PRSS50: variants seen among roughly 807,000 people sequenced by gnomAD.
PRSS50 encodes the protein serine protease 50.
In PRSS50, 23 loss-of-function variants were observed where a neutral mutation model predicts 34.2. The ratio of observed to expected loss-of-function variants is 0.67; its 90% CI spans 0.48 to 0.95. The LOEUF is 0.95. Among genes scored for constraint, PRSS50 ranks in the 40% least tolerant of loss-of-function variants. PRSS50 has a pLI of 0.00. For missense variants in PRSS50, 484 were observed against 513.4 expected, an observed-to-expected ratio of 0.94 and a Z score of 0.55; for synonymous variants, 224 against 211.2, an observed-to-expected ratio of 1.06 and a Z score of -0.53.
Position 46,715,789 on chromosome 3 carries a change from C to T in PRSS50, c.308-92G>A. On this transcript the variant is annotated intron_variant, in intron 2 of 5. Coordinates refer to ENST00000315170, the MANE Select transcript of PRSS50 (RefSeq NM_013270.5). This position sits in a 1 kb window ranked among gnomAD's most constrained non-coding sequence, Gnocchi z 5.2. ...ACCTCGTGCCTCTCCAGCCACTGGC[C>T]TGCACCCATCCAGGGGTGCTCCCTT... The T allele has an allele frequency of 7.2e-7, 1 of 1,385,394 alleles. No individual in the cohort carries two copies. Among genetic ancestry groups the T allele is most frequent in the Non-Finnish European group, 9.8e-7 (1 of 1,020,838 alleles). The allele number at this position is 1,385,394 out of a possible 1,614,324, so 85.8% of individuals were successfully genotyped here.
Position 46,714,441 on chromosome 3 carries a change from G to T in PRSS50, c.531C>A (p.Thr177=). The change falls in exon 4 of 6, where the codon ACC becomes ACA. Residue 177 remains threonine, a synonymous_variant. Transcript: ENST00000315170. ...GSPWIDQMTQ[T]ASDVPVLQVI... The stretch of plus-strand genomic sequence containing the variant: ...CCTGGAGCACCGGGACATCGGAGGC[G>T]GTCTGCGTCATCTGGTCAATCCACG... 1 of 1,610,500 alleles carries T rather than the reference G, an allele frequency of 6.2e-7. No homozygotes were observed. The highest frequency in any genetic ancestry group is 8.5e-7 in the Non-Finnish European group (1 of 1,178,654).
intron 4 of PRSS50, 123 bp from the exon 5 acceptor site, chr3:46,713,190 C>T (rs1022240574): frequency 1.6e-6 from 2 of 1,231,756 alleles, no homozygotes; most frequent in Non-Finnish European, 2.3e-6. Context: ...ACACCTCTGC[C>T]CTCGTTCTAG....
rs1372505382 is a variant in PRSS50, at chr3:46,714,570, TCC to T, written c.471-71_471-70del. The T allele has an allele frequency of 2.7e-6, 4 of 1,456,420 alleles. No homozygotes were observed. The African/African-American group carries it at 5.6e-5, about 21-fold the overall frequency. The allele number at this position is 1,456,420 out of a possible 1,614,324, so 90.2% of individuals were successfully genotyped here. A position where few individuals can be genotyped will look rare whatever the true frequency, so the allele number is the denominator to read the frequency against. ...CTGCCCCAGCCTCCAGCCTGGGCCTTCCCCCACTCTGCTGCCCTCCCAGAAGA... is the reference window on the plus strand; with the variant it reads ...CTGCCCCAGCCTCCAGCCTGGGCCTTCCCACTCTGCTGCCCTCCCAGAAGA... On this transcript the variant is annotated intron_variant, in intron 3 of 5. Transcript: ENST00000315170.
chr3:46,712,860 A>G, intron 5 of PRSS50, 41 bp downstream of exon 5: 1 of 1,435,758 alleles, frequency 7.0e-7, no homozygotes, highest in East Asian at 2.9e-5. Flanking sequence ...CCTCTCCCCC[A>G]GGTGCCCCTG....
Position 46,717,727 on chromosome 3 carries a change from C to T in PRSS50, c.98G>A (p.Arg33Lys), listed in dbSNP as rs541651621. ...GALLLLLLLL[R>K]SAGCWGAGEA... ...GATCGGGAGGGACTCACCTGCAGAC[C>T]TCAGCAACAGAAGCAGCAGCAGCAG... Residue 33 changes from arginine to lysine, a missense_variant, in exon 1 of 6, where the codon AGG (arginine) becomes AAG (lysine). Coordinates refer to ENST00000315170, the MANE Select transcript of PRSS50 (RefSeq NM_013270.5). The surrounding 1 kb of genome is among the most constrained non-coding windows in gnomAD (Gnocchi z 4.5). 5.0e-6 allele frequency: 8 copies of T among 1,597,042 alleles called. No individual in the cohort carries two copies. In the South Asian group the frequency reaches 5.6e-5, roughly 11 times the overall value.
rs367731065 is a variant in PRSS50, at chr3:46,712,885, A to C, written c.921+16T>G. ...AGGTGCCCCTGAAGGGGAGTGAGCG[A>C]GGAGAGGCCGCTCACATAGCAGAAC... On this transcript the variant is annotated intron_variant, in intron 5 of 5. Coordinates refer to ENST00000315170, the MANE Select transcript of PRSS50 (RefSeq NM_013270.5). 334 of 1,611,232 alleles carry C rather than the reference A, an allele frequency of 2.1e-4. No homozygotes were observed. The highest frequency in any genetic ancestry group is 1.7e-3 in the South Asian group (156 of 90,920).
chr3:46,714,387 C>T lies in PRSS50; in HGVS notation c.585G>A (p.Gln195=), dbSNP rs1700654664. The T allele has an allele frequency of 1.2e-6, 2 of 1,613,744 alleles. No individual in the cohort carries two copies. Among genetic ancestry groups the T allele is most frequent in the Non-Finnish European group, 1.7e-6 (2 of 1,179,896 alleles). ...CCTGGCCCACCCAGGACCAGAACCGCTGGGCCCGGTACCTGCTATGCATGA... is the reference window on the plus strand; with the variant it reads ...CCTGGCCCACCCAGGACCAGAACCGTTGGGCCCGGTACCTGCTATGCATGA... ...QVIMHSRYRA[Q]RFWSWVGQAN... The change falls in exon 4 of 6, where the codon CAG becomes CAA. Residue 195 remains glutamine, a synonymous_variant. Coordinates refer to ENST00000315170, the MANE Select transcript of PRSS50 (RefSeq NM_013270.5).
chr3:46,717,814 C>CAG lies in PRSS50; in HGVS notation c.9_10dup (p.Trp4SerfsTer30). On this transcript the variant is annotated frameshift_variant, in exon 1 of 6. Coordinates refer to ENST00000315170, the MANE Select transcript of PRSS50 (RefSeq NM_013270.5). LOFTEE classifies it high-confidence loss of function. This position sits in a 1 kb window ranked among gnomAD's most constrained non-coding sequence, Gnocchi z 4.5. ...CTGCCCGCGCGCGACGGTCTGGCACCAGCGACCCATCCCGGGGTGGCAGCC... is the reference window on the plus strand; with the variant it reads ...CTGCCCGCGCGCGACGGTCTGGCACCAGAGCGACCCATCCCGGGGTGGCAGCC... 1 of 1,524,766 alleles carries CAG rather than the reference C, an allele frequency of 6.6e-7. No individual in the cohort carries two copies. The highest frequency in any genetic ancestry group is 8.8e-7 in the Non-Finnish European group (1 of 1,136,834). The allele number at this position is 1,524,766 out of a possible 1,614,324, so 94.5% of individuals were successfully genotyped here.
chr3:46,712,296 T>C lies in PRSS50; in HGVS notation c.1108A>G (p.Thr370Ala), dbSNP rs143880961. The change falls in exon 6 of 6, where the codon ACC becomes GCC. Residue 370 changes from threonine to alanine, a missense_variant. By Grantham distance (58) the Thr-to-Ala change is moderately conservative (BLOSUM62 0). Coordinates refer to ENST00000315170, the MANE Select transcript of PRSS50 (RefSeq NM_013270.5). ...QALALPAPSRTLLLALPLPLS... is the reference protein window; with the variant it reads ...QALALPAPSRALLLALPLPLS... ...GGCAGTGGGAGTGCCAGGAGCAGGG[T>C]CCTGGATGGGGCTGGCAGGGCCAGG... is the stretch of plus-strand genomic sequence containing the variant. 3.8e-5 allele frequency: 61 copies of C among 1,613,032 alleles called. No individual in the cohort carries two copies. In the African/African-American group the frequency reaches 7.5e-4, roughly 20 times the overall value.
intron 5 of PRSS50, 108 bp from the exon 6 acceptor site, chr3:46,712,590 C>A (rs1434287035): frequency 1.5e-5 from 16 of 1,050,064 alleles, no homozygotes; most frequent in Non-Finnish European, 2.3e-5. Flanking sequence ...CACAGTCCCC[C>A]AGTGCCAACA....
rs2106795352 is a variant in PRSS50 at position 46,715,603 on chromosome 3, G to A, written c.402C>T (p.Gly134=). The change falls in exon 3 of 6, where the codon GGC becomes GGT. Residue 134 remains glycine (G), a synonymous_variant. Transcript: ENST00000315170. The surrounding 1 kb of genome is among the most constrained non-coding windows in gnomAD (Gnocchi z 5.2). ...TGATGGTGCCGGCACAGATGTGTGT[G>A]CCATTGGCCCGCACGCTGACCATCC... ...WPWMVSVRAN[G]THICAGTIIA... is the part of the protein sequence containing the mutation. The A allele has an allele frequency of 6.2e-7, 1 of 1,613,670 alleles. No individual in the cohort carries two copies. The highest frequency in any genetic ancestry group is 1.1e-5 in the South Asian group (1 of 91,074).
chr3:46,713,305 G>A (rs549835275), intron 4 of PRSS50, among the ~76,000 whole-genome samples: 1 of 152,246 alleles, frequency 6.6e-6, no homozygotes, highest in Admixed American at 6.5e-5. Flanking sequence ...AGGCCACTGG[G>A]GCCCTTGACA....
chr3:46,717,441 G>A lies in PRSS50; in HGVS notation c.303C>T (p.Tyr101=). Residue 101 remains tyrosine (Y), a synonymous_variant, in exon 2 of 6, where the codon TAC becomes TAT. Coordinates refer to ENST00000315170, the MANE Select transcript of PRSS50 (RefSeq NM_013270.5). This position sits in a 1 kb window ranked among gnomAD's most constrained non-coding sequence, Gnocchi z 4.5. ...FPVSEGKVDP[Y]RSCGFSYEQD... ...GTCTACACCCCTGGTACTCACAGCGGTATGGGTCGACTTTGCCTTCAGAAA... is the reference window on the plus strand; with the variant it reads ...GTCTACACCCCTGGTACTCACAGCGATATGGGTCGACTTTGCCTTCAGAAA... 6.2e-7 allele frequency: 1 copy of A among 1,613,982 alleles called. No individual in the cohort carries two copies. The highest frequency in any genetic ancestry group is 8.5e-7 in the Non-Finnish European group (1 of 1,179,984).
At position 46,712,145 on chromosome 3, in the gene PRSS50, A is replaced by G. The variant is rs539822649; in HGVS notation, c.*101T>C. The G allele has an allele frequency of 3.1e-5, 32 of 1,025,420 alleles. No individual in the cohort carries two copies. The Admixed American group carries it at 7.0e-4, about 23-fold the overall frequency. The allele number at this position is 1,025,420 out of a possible 1,614,324, so 63.5% of individuals were successfully genotyped here. A position where few individuals can be genotyped will look rare whatever the true frequency, so the allele number is the denominator to read the frequency against. On this transcript the variant is annotated 3_prime_UTR_variant, in exon 6 of 6. Transcript: ENST00000315170. Reference sequence around the variant, plus strand: ...GGAAAACAGTAATGTTTAATTGAGCACCTCATCTCCACCCTGACTCTCAGG... The same window carrying G: ...GGAAAACAGTAATGTTTAATTGAGCGCCTCATCTCCACCCTGACTCTCAGG...
intron 5 of PRSS50, 144 bp downstream of exon 5, chr3:46,712,757 C>G: frequency 1.0e-6 from 1 of 980,790 alleles, no homozygotes; most frequent in Non-Finnish European, 1.5e-6. Context: ...CCCAGTCTCC[C>G]CCGACATCCT....
chr3:46,717,659 TTA>T lies in PRSS50; in HGVS notation c.107-24_107-23del. The T allele has an allele frequency of 1.2e-6, 2 of 1,609,810 alleles. No individual in the cohort carries two copies. Among genetic ancestry groups the T allele is most frequent in the Non-Finnish European group, 1.7e-6 (2 of 1,178,242 alleles). On this transcript the variant is annotated intron_variant, in intron 1 of 5. Transcript: ENST00000315170. The surrounding 1 kb of genome is among the most constrained non-coding windows in gnomAD (Gnocchi z 4.5). ...CAACCTGCGGAGGACGTCGAGCGGA[TTA>T]GAGGTGGAAGGCGAGGGCCGCGTCA...
Position 46,715,321 on chromosome 3 carries a change from C to T in PRSS50, c.470+214G>A, listed in dbSNP as rs1033578039. Among the ~76,000 whole-genome samples the T allele has an allele frequency of 1.5e-4, 23 of 152,280 alleles. No homozygotes were observed. Among genetic ancestry groups the T allele is most frequent in the African/African-American group, 3.8e-4 (16 of 41,560 alleles). ...ATTTCCCATCTGCGGAATGACTGCA[C>T]GGGACTGAGAGGCCAGACGAGGGGA... On this transcript the variant is annotated intron_variant, in intron 3 of 5. Transcript: ENST00000315170. The surrounding 1 kb of genome is among the most constrained non-coding windows in gnomAD (Gnocchi z 5.2).
rs756434227 is a variant in PRSS50, at chr3:46,714,513, G to C, written c.471-12C>G. On this transcript the variant is annotated splice_polypyrimidine_tract_variant and intron_variant, in intron 3 of 5. Coordinates refer to ENST00000315170, the MANE Select transcript of PRSS50 (RefSeq NM_013270.5). ...AGATAACATCACGCCTAGGGGGGCC[G>C]TGAGGGGAGGCCATGATCAGCTCCA... The C allele has an allele frequency of 1.3e-5, 21 of 1,557,194 alleles. No homozygotes were observed. The highest frequency in any genetic ancestry group is 1.6e-5 in the Non-Finnish European group (19 of 1,153,450).
At position 46,714,213 on chromosome 3, in the gene PRSS50, C is replaced by G. The variant is rs759858584; in HGVS notation, c.754+5G>C. On this transcript the variant is annotated splice_donor_5th_base_variant and intron_variant, in intron 4 of 5. Coordinates refer to ENST00000315170, the MANE Select transcript of PRSS50 (RefSeq NM_013270.5). ...CCGCCCTGGTCTGCAGAGGCTTTGA[C>G]TCACCGTCAGCCTTGGAAAGTCCCC... The G allele has an allele frequency of 3.1e-6, 5 of 1,612,814 alleles. No individual in the cohort carries two copies. The highest frequency in any genetic ancestry group is 3.3e-4 in the Middle Eastern group (2 of 6,058).
Sources: gnomAD v4.1 joint callset for allele counts (sites outside exome capture counted in the v4.1 genomes callset) on GRCh38, gnomAD v4.1.1 for gene constraint, Gnocchi (gnomAD v3.1) non-coding constraint, MANE v1.5 for transcripts, NCBI Gene and HGNC (gene_info 2026-07-23, HGNC 2026-07-21) for gene names.